The following LEPR variants were observed in gnomAD, a reference collection of about 807,000 sequenced individuals.
LEPR encodes the protein leptin receptor.
A neutral mutation model predicts 114.7 loss-of-function variants in LEPR; 56 were observed. That is an observed-to-expected ratio of 0.49 (90% CI 0.39 to 0.61). The LOEUF (loss-of-function observed/expected upper bound fraction) is 0.61, where lower values mean the gene tolerates loss of function less well. Among genes scored for constraint, LEPR ranks in the 20% least tolerant of loss-of-function variants. The pLI is 0.00. For missense variants in LEPR, 1,202 were observed against 1,352.9 expected (o/e 0.89, Z 1.75); for synonymous variants, 443 against 461.4 (o/e 0.96, Z 0.51).
chr1:65,436,155 C>A, intron 2 of LEPR: 1 of 805,228 alleles, frequency 1.2e-6, no homozygotes, highest in Non-Finnish European at 1.5e-6. Flanking sequence ...GAAGCCTGTA[C>A]TTGCTGTAGT....
In LEPR at chr1:65,579,982, T is replaced by C. The variant is rs1212396529; in HGVS notation, c.494+7533T>C. On this transcript the variant is annotated intron_variant, in intron 5 of 19. Coordinates refer to ENST00000349533, the MANE Select transcript of LEPR (RefSeq NM_002303.6). ...GTAAATTAGGTAGATTTTCAAACTTTCTTACAAGATGATTTTTAATTTGGT... is the reference window on the plus strand; with the variant it reads ...GTAAATTAGGTAGATTTTCAAACTTCCTTACAAGATGATTTTTAATTTGGT... Among the ~76,000 whole-genome samples the C allele has an allele frequency of 2.0e-5, 3 of 152,176 alleles. No individual in the cohort carries two copies. In the East Asian group the frequency reaches 5.8e-4, roughly 29 times the overall value.
At chr1:65,550,615 C>T (rs187725555) in intron 2 of LEPR, among the ~76,000 whole-genome samples, 1 of 152,320 alleles carries the variant, frequency 6.6e-6, no homozygotes, top group Admixed American at 6.5e-5. Context: ...TAGGACCCTC[C>T]GAACCAAGTG....
chr1:65,427,735 A>G, intron 2 of LEPR: 1 of 375,614 alleles, frequency 2.7e-6, no homozygotes, highest in Non-Finnish European at 5.3e-6. Flanking sequence ...TACTGCTACT[A>G]CAAATAAGTT....
At chr1:65,435,366 C>CTTTTTTTTTTTT (rs60757318) in intron 2 of LEPR, 6 of 726,192 alleles carry the variant, frequency 8.3e-6, no homozygotes, top group South Asian at 1.3e-4. Context: ...CTTTTCTTTT[C>CTTTTTTTTTTTT]TTTTTTTTTT....
intron 2 of LEPR, among the ~76,000 whole-genome samples, chr1:65,488,598 G>A (rs1263031169): frequency 6.6e-6 from 1 of 151,840 alleles, no homozygotes; most frequent in Non-Finnish European, 1.5e-5. Context: ...CAAAGTGCTA[G>A]GATTACAGGT....
intron 14 of LEPR, among the ~76,000 whole-genome samples, chr1:65,613,623 G>A (rs1286636073): frequency 7.7e-6 from 1 of 129,678 alleles, no homozygotes; most frequent in African/African-American, 2.8e-5. Context: ...CGCGGTGGCG[G>A]GCGCCTGTAG....
At position 65,622,995 on chromosome 1, in the gene LEPR, T is replaced by C; in HGVS notation, c.2673+14T>C. The stretch of plus-strand genomic sequence containing the variant: ...AATTTTCAGAAGGTTGCTTTTTCAA[T>C]TTTTTTTAACCCAGAATATATACGA... On this transcript the variant is annotated intron_variant, in intron 19 of 19. Transcript: ENST00000349533. 1 of 1,605,772 alleles carries C rather than the reference T, an allele frequency of 6.2e-7. No homozygotes were observed.
intron 2 of LEPR, among the ~76,000 whole-genome samples, chr1:65,564,187 G>A (rs1368512016): frequency 6.6e-6 from 1 of 150,448 alleles, no homozygotes; most frequent in Non-Finnish European, 1.5e-5. Context: ...TCAGACTGCT[G>A]TGCTAGCAAT....
intron 2 of LEPR, among the ~76,000 whole-genome samples, chr1:65,502,984 T>G (rs1648535087): frequency 7.0e-6 from 1 of 143,298 alleles, no homozygotes; most frequent in African/African-American, 2.6e-5. Flanking sequence ...TGGGGGAGGG[T>G]ATGGATGAGG....
chr1:65,547,255 G>C (rs918620473), intron 2 of LEPR, among the ~76,000 whole-genome samples: 6 of 152,128 alleles, frequency 3.9e-5, no homozygotes, highest in East Asian at 1.9e-4. Context: ...CAAGGATATT[G>C]GTCTAAAATT....
chr1:65,601,336 A>C, intron 8 of LEPR, 56 bp from the exon 9 acceptor site: 1 of 1,591,994 alleles, frequency 6.3e-7, no homozygotes, highest in Non-Finnish European at 8.6e-7. Flanking sequence ...GATGTGGTAC[A>C]AATTACTTAC....
intron 2 of LEPR, among the ~76,000 whole-genome samples, chr1:65,494,839 A>G (rs1648069668): frequency 6.6e-6 from 1 of 152,102 alleles, no homozygotes; most frequent in African/African-American, 2.4e-5. Context: ...TCTAGTCTCT[A>G]TCTATCATGA....
rs373357703 is a variant in LEPR at position 65,473,028 on chromosome 1, A to C, written c.-21+47650A>C. 6.2e-4 allele frequency among the ~76,000 whole-genome samples: 94 copies of C among 152,364 alleles called. 1 individual carries two copies. The highest frequency in any genetic ancestry group is 2.1e-3 in the African/African-American group (88 of 41,588). On this transcript the variant is annotated intron_variant, in intron 2 of 19. Transcript: ENST00000349533. ...TTACTGCCTCACAAGGCAGCCAATT[A>C]TCTTTCTGACAGGTGCCATTCTTCC...
chr1:65,431,710 C>G (rs2100228932), intron 2 of LEPR: 2 of 1,316,520 alleles, frequency 1.5e-6, no homozygotes, highest in Non-Finnish European at 2.1e-6. Context: ...TGTAACATTT[C>G]ATTGGATGTT....
intron 2 of LEPR, among the ~76,000 whole-genome samples, chr1:65,529,357 A>G (rs1432231179): frequency 6.6e-6 from 1 of 151,800 alleles, no homozygotes; most frequent in Non-Finnish European, 1.5e-5. Flanking sequence ...CATCTCTACT[A>G]AAAATATAAA....
At chr1:65,548,087 G>C (rs1651923352) in intron 2 of LEPR, among the ~76,000 whole-genome samples, 2 of 152,036 alleles carry the variant, frequency 1.3e-5, no homozygotes, top group African/African-American at 2.4e-5. Flanking sequence ...TTCAGGAGCA[G>C]GTTGTTCAGT....
intron 2 of LEPR, chr1:65,429,835 TGGA>T (rs1372378810): frequency 7.2e-7 from 1 of 1,398,264 alleles, no homozygotes; most frequent in African/African-American, 1.5e-5. Context: ...CTTTTCTTTT[TGGA>T]TTTTGCCTGG....
At chr1:65,551,134 A>G (rs1652313073) in intron 2 of LEPR, among the ~76,000 whole-genome samples, 1 of 151,984 alleles carries the variant, frequency 6.6e-6, no homozygotes. Flanking sequence ...TTTATTGAGG[A>G]TCTTTGCACC....
chr1:65,429,836 G>T, intron 2 of LEPR: 1 of 1,393,392 alleles, frequency 7.2e-7, no homozygotes, highest in South Asian at 1.9e-5. Context: ...TTTTCTTTTT[G>T]GATTTTGCCT....
Sources: gnomAD v4.1 joint callset for allele counts (sites outside exome capture counted in the v4.1 genomes callset) on GRCh38, gnomAD v4.1.1 for gene constraint, MANE v1.5 for transcripts, NCBI Gene and HGNC (gene_info 2026-07-23, HGNC 2026-07-21) for gene names.